The following GPR107 variants were observed in gnomAD, a reference collection of about 807,000 sequenced individuals.
The protein encoded by GPR107 is G protein-coupled receptor 107.
A neutral mutation model predicts 75.5 loss-of-function variants in GPR107; 31 were observed. The ratio of observed to expected loss-of-function variants is 0.41; its 90% CI spans 0.31 to 0.55. GPR107 has a LOEUF of 0.55. GPR107 is among the 20% of genes least tolerant of loss of function. GPR107 has a pLI of 0.26. For missense variants in GPR107, 572 were observed against 665.7 expected, an observed-to-expected ratio of 0.86 and a Z score of 1.55; for synonymous variants, 267 against 251.3, an observed-to-expected ratio of 1.06 and a Z score of -0.59.
At chr9:130,091,147 T>C (rs994274659) in intron 8 of GPR107, among the ~76,000 whole-genome samples, 164 bp downstream of exon 8, 9 of 152,132 alleles carry the variant, frequency 5.9e-5, no homozygotes, top group African/African-American at 1.9e-4. Flanking sequence ...CATAGGAAAA[T>C]ACAAAGCAAT....
chr9:130,064,185 CTTTTT>C (rs1045833413), intron 1 of GPR107, among the ~76,000 whole-genome samples: 9 of 82,580 alleles, frequency 1.1e-4, no homozygotes, highest in African/African-American at 1.9e-4. Context: ...AATAGCTTTT[CTTTTT>C]TTTTTTTTTT....
intron 14 of GPR107, among the ~76,000 whole-genome samples, chr9:130,108,543 T>C (rs1831215806): frequency 2.0e-5 from 3 of 152,190 alleles, no homozygotes; most frequent in Non-Finnish European, 4.4e-5. Context: ...ATCTCGCCAG[T>C]TTGGGCCTGG....
Position 130,069,689 on chromosome 9 carries a change from TTTTA to T in GPR107, c.142-5939_142-5936del, listed in dbSNP as rs556193434. On this transcript the variant is annotated intron_variant, in intron 1 of 17. Transcript: ENST00000347136. ...GGCAACAGTACTTTCTTTCTTTTTA[TTTTA>T]TTTATTTTTTGAGACAGAGTCTCAC... Among the ~76,000 whole-genome samples the T allele has an allele frequency of 2.0e-5, 3 of 152,108 alleles. No individual in the cohort carries two copies. In the South Asian group the frequency reaches 6.2e-4, roughly 32 times the overall value.
At chr9:130,122,857 C>T (rs770341863) in intron 14 of GPR107, among the ~76,000 whole-genome samples, 1 of 152,122 alleles carries the variant, frequency 6.6e-6, no homozygotes, top group African/African-American at 2.4e-5. Flanking sequence ...AAAAATTAGT[C>T]GGGCGTGGTG....
chr9:130,062,150 C>T (rs1829940107), intron 1 of GPR107, among the ~76,000 whole-genome samples: 1 of 151,808 alleles, frequency 6.6e-6, no homozygotes, highest in South Asian at 2.1e-4. Flanking sequence ...TACGGTGGCT[C>T]ACACCTGTAA....
chr9:130,093,770 T>G (rs80322892), intron 9 of GPR107, among the ~76,000 whole-genome samples: 1,644 of 152,034 alleles, frequency 0.011, 30 homozygotes, highest in African/African-American at 0.038. Flanking sequence ...CACTTGAGTC[T>G]GTGAGTTTGA....
At chr9:130,134,402 C>T (rs1264473443) in intron 17 of GPR107, among the ~76,000 whole-genome samples, 1 of 152,226 alleles carries the variant, frequency 6.6e-6, no homozygotes, top group Admixed American at 6.5e-5. Context: ...TCCTCAGAGC[C>T]AGGCACCAAC....
chr9:130,122,641 G>A (rs573622289), intron 14 of GPR107, among the ~76,000 whole-genome samples: 17 of 152,288 alleles, frequency 1.1e-4, no homozygotes, highest in Middle Eastern at 3.4e-3. Flanking sequence ...AGCTGCCCCG[G>A]GGGCAGAGGC....
chr9:130,130,757 C>T (rs1008484023), intron 17 of GPR107, among the ~76,000 whole-genome samples: 2 of 151,712 alleles, frequency 1.3e-5, no homozygotes, highest in Admixed American at 6.6e-5. Flanking sequence ...GTAATCCCAG[C>T]TACTCGGGAG....
chr9:130,128,630 A>T lies in GPR107; in HGVS notation c.1441-10A>T. ...ATCTCTTTATTTTGGGGTGGTTTTT[A>T]AACTTGCAGCTCCTGGATGAAACGG... On this transcript the variant is annotated splice_polypyrimidine_tract_variant and intron_variant, in intron 16 of 17. Transcript: ENST00000347136. 6.2e-7 allele frequency: 1 copy of T among 1,609,144 alleles called. No individual in the cohort carries two copies. The highest frequency in any genetic ancestry group is 8.5e-7 in the Non-Finnish European group (1 of 1,176,018).
In GPR107 at chr9:130,090,970, C is replaced by A. The variant is rs1014816104; in HGVS notation, c.716C>A (p.Thr239Lys). The change falls in exon 8 of 18, where the codon ACA becomes AAA. Residue 239 changes from threonine to lysine, a missense_variant. Thr to Lys is a moderately conservative substitution (Grantham distance 78, BLOSUM62 -1). Transcript: ENST00000347136. ...LGKELPSDKF[T>K]FSLDIEITEK... Reference sequence around the variant, plus strand: ...AAAGAATTGCCAAGTGACAAGTTTACATTCAGCCTTGATGTGAGTACTGTT... The same window carrying A: ...AAAGAATTGCCAAGTGACAAGTTTAAATTCAGCCTTGATGTGAGTACTGTT... The A allele has an allele frequency of 1.2e-5, 17 of 1,434,406 alleles. No individual in the cohort carries two copies. Among genetic ancestry groups the A allele is most frequent in the Non-Finnish European group, 1.7e-5 (17 of 1,018,474 alleles). 88.9% of individuals were successfully genotyped at this position (1,434,406 alleles called of 1,614,324 possible). A position where few individuals can be genotyped will look rare whatever the true frequency, so the allele number is the denominator to read the frequency against.
intron 14 of GPR107, 35 bp downstream of exon 14, chr9:130,107,574 C>T (rs1286217308): frequency 1.4e-6 from 2 of 1,442,060 alleles, no homozygotes; most frequent in East Asian, 4.5e-5. Flanking sequence ...TGTTGCTCAG[C>T]TTGCTCTGAA....
At chr9:130,129,759 CAGGAA>C (rs1831772986) in intron 17 of GPR107, 2 of 152,250 alleles carry the variant, frequency 1.3e-5, no homozygotes, top group African/African-American at 4.8e-5. Flanking sequence ...CCAGCAGCAT[CAGGAA>C]ATAACCTAAG....
At chr9:130,054,732 G>A (rs1235740754) in intron 1 of GPR107, among the ~76,000 whole-genome samples, 5 of 152,206 alleles carry the variant, frequency 3.3e-5, no homozygotes, top group South Asian at 2.1e-4. Flanking sequence ...AACTAGCAGA[G>A]AAAAGACCTC....
In GPR107 at chr9:130,112,825, C is replaced by T. The variant is rs1410564331; in HGVS notation, c.1306+5286C>T. ...AGTCCAGTGGTGTAATCTTGGCTTA[C>T]TGCAGCCTCAACCTCCTGGGCCCAA... On this transcript the variant is annotated intron_variant, in intron 14 of 17. Coordinates refer to ENST00000347136, the MANE Select transcript of GPR107 (RefSeq NM_020960.5). The surrounding 1 kb of genome is among the most constrained non-coding windows in gnomAD (Gnocchi z 4.0). Among the ~76,000 whole-genome samples the T allele has an allele frequency of 2.0e-5, 3 of 152,118 alleles. No homozygotes were observed. In the East Asian group the frequency reaches 5.8e-4, roughly 29 times the overall value.
intron 5 of GPR107, among the ~76,000 whole-genome samples, chr9:130,081,643 A>G (rs1055571575): frequency 6.6e-6 from 1 of 151,352 alleles, no homozygotes; most frequent in African/African-American, 2.4e-5. Flanking sequence ...ACTGCACTCC[A>G]GCCTGGCGAC....
Position 130,128,746 on chromosome 9 carries a change from T to G in GPR107, c.1547T>G (p.Leu516Trp). Residue 516 changes from leucine (L) to tryptophan (W), a missense_variant, in exon 17 of 18, where the codon TTG becomes TGG. Leu to Trp is a moderately conservative substitution (Grantham distance 61). Coordinates refer to ENST00000347136, the MANE Select transcript of GPR107 (RefSeq NM_020960.5). Reference protein sequence around the residue: ...YLQLSQEEEDLEMESVVTTSG... With the variant: ...YLQLSQEEEDWEMESVVTTSG... ...CAACTTTCTCAGGAAGAAGAAGACT[T>G]GGAAATGGAGTCCGTGTAAGAAATC... 1 of 1,613,798 alleles carries G rather than the reference T, an allele frequency of 6.2e-7. No homozygotes were observed. Among genetic ancestry groups the G allele is most frequent in the Non-Finnish European group, 8.5e-7 (1 of 1,179,670 alleles).
At chr9:130,093,202 T>G (rs1473848283) in intron 9 of GPR107, among the ~76,000 whole-genome samples, 1 of 97,600 alleles carries the variant, frequency 1.0e-5, no homozygotes, top group East Asian at 5.3e-4. Flanking sequence ...TCTGCCTGGC[T>G]TTTAGCCTTT....
intron 7 of GPR107, 65 bp from the exon 8 acceptor site, chr9:130,090,811 T>G (rs961355238): frequency 1.6e-6 from 1 of 615,572 alleles, no homozygotes. Flanking sequence ...AAAGAAAAAA[T>G]AAAAGAAAAA....
Sources: gnomAD v4.1 joint callset for allele counts (sites outside exome capture counted in the v4.1 genomes callset) on GRCh38, gnomAD v4.1.1 for gene constraint, Gnocchi (gnomAD v3.1) non-coding constraint, MANE v1.5 for transcripts, NCBI Gene and HGNC (gene_info 2026-07-23, HGNC 2026-07-21) for gene names.